Variants in GPR160 observed in about 807,000 individuals in gnomAD.
GPR160 encodes the protein G protein-coupled receptor 160.
In GPR160, 2 loss-of-function variants were observed where a neutral mutation model predicts 2.6. The ratio of observed to expected loss-of-function variants is 0.77; its 90% CI spans 0.32 to 2.44. The LOEUF is 2.44. GPR160 is among the 30% of genes most tolerant of loss of function. GPR160 has a pLI of 0.11. For missense variants in GPR160, 351 were observed against 383.6 expected (o/e 0.91, Z 0.71); for synonymous variants, 130 against 132.2 (o/e 0.98, Z 0.12).
chr3:170,074,119 C>A (rs1368688670), intron 2 of GPR160, among the ~76,000 whole-genome samples: 3 of 151,968 alleles, frequency 2.0e-5, no homozygotes, highest in Non-Finnish European at 2.9e-5. Context: ...GAACTCCTGA[C>A]CTTAGGTGAT....
intron 2 of GPR160, among the ~76,000 whole-genome samples, chr3:170,046,437 C>T (rs1716723361): frequency 6.6e-6 from 1 of 152,098 alleles, no homozygotes; most frequent in Non-Finnish European, 1.5e-5. Flanking sequence ...CACAGGAGTC[C>T]CAGCCTCAGC....
intron 2 of GPR160, among the ~76,000 whole-genome samples, chr3:170,065,492 C>T (rs1712277874): frequency 6.6e-6 from 1 of 152,212 alleles, no homozygotes; most frequent in Non-Finnish European, 1.5e-5. Flanking sequence ...TCTTCTAATG[C>T]ATCCCATTTC....
chr3:170,045,444 A>AAAAAAAAAAAC (rs1559981285), intron 2 of GPR160, among the ~76,000 whole-genome samples: 2 of 127,952 alleles, frequency 1.6e-5, no homozygotes, highest in Non-Finnish European at 1.6e-5. Context: ...AAAAAAAAAA[A>AAAAAAAAAAAC]AAACCAATTA....
intron 2 of GPR160, among the ~76,000 whole-genome samples, chr3:170,058,353 G>A (rs972850449): frequency 6.6e-6 from 1 of 152,154 alleles, no homozygotes; most frequent in South Asian, 2.1e-4. Flanking sequence ...AATAAGCTAG[G>A]CCAGAAATGG....
At chr3:170,045,219 C>T (rs957456228) in intron 2 of GPR160, among the ~76,000 whole-genome samples, 3 of 151,420 alleles carry the variant, frequency 2.0e-5, no homozygotes, top group Admixed American at 6.6e-5. Flanking sequence ...TGTGTGTAAA[C>T]GGACATGGAA....
chr3:170,042,962 A>G (rs1716528209), intron 2 of GPR160, among the ~76,000 whole-genome samples: 1 of 150,372 alleles, frequency 6.7e-6, no homozygotes, highest in Admixed American at 6.6e-5. Flanking sequence ...GCTCACTGCA[A>G]GCTCTGCCTC....
intron 2 of GPR160, among the ~76,000 whole-genome samples, chr3:170,053,854 T>G (rs549168010): frequency 2.6e-5 from 4 of 152,302 alleles, no homozygotes; most frequent in African/African-American, 9.6e-5. Flanking sequence ...GGTCATATGC[T>G]TGTTTTCTGT....
intron 2 of GPR160, chr3:170,077,245 TG>T (rs1258403509): frequency 6.6e-6 from 1 of 152,230 alleles, no homozygotes; most frequent in Non-Finnish European, 1.5e-5. Context: ...CTAACGCACA[TG>T]GTTTTTTTAA....
intron 2 of GPR160, among the ~76,000 whole-genome samples, chr3:170,068,227 C>A (rs1712439149): frequency 6.6e-6 from 1 of 151,172 alleles, no homozygotes; most frequent in Non-Finnish European, 1.5e-5. Context: ...TCACTGCAAC[C>A]TCTGCCTCCC....
At chr3:170,055,455 C>A (rs1037548255) in intron 2 of GPR160, among the ~76,000 whole-genome samples, 1 of 152,128 alleles carries the variant, frequency 6.6e-6, no homozygotes, top group Non-Finnish European at 1.5e-5. Context: ...ATACAAGGAG[C>A]CACATTCAGA....
chr3:170,084,128 A>C lies in GPR160; in HGVS notation c.156A>C (p.Gln52His), dbSNP rs1559995184. The C allele has an allele frequency of 1.3e-6, 2 of 1,594,652 alleles. No individual in the cohort carries two copies. Among genetic ancestry groups the C allele is most frequent in the East Asian group, 4.5e-5 (2 of 44,730 alleles). ...TLGMRRKNTC[Q>H]NFMEYFCISL... ...GAATGAGAAGAAAAAACACCTGTCA[A>C]AATTTTATGGAATATTTTTGCATTT... is the stretch of plus-strand genomic sequence containing the variant. The change falls in exon 4 of 4, where the codon CAA becomes CAC. Residue 52 changes from glutamine (Q) to histidine (H), a missense_variant. By Grantham distance (24) the Gln-to-His change is conservative. Transcript: ENST00000355897.
At chr3:170,072,742 G>C (rs1712662776) in intron 2 of GPR160, among the ~76,000 whole-genome samples, 1 of 152,060 alleles carries the variant, frequency 6.6e-6, no homozygotes, top group South Asian at 2.1e-4. Context: ...ACTGTGGGGA[G>C]GGCACCAAGT....
intron 2 of GPR160, among the ~76,000 whole-genome samples, chr3:170,052,169 GCCCACCTTGGCCTTCCAAAGTAC>G (rs1716984930): frequency 1.3e-5 from 2 of 151,842 alleles, no homozygotes; most frequent in Non-Finnish European, 2.9e-5. Context: ...CAAGTGATCC[GCCCACCTTGGCCTTCCAAAGTAC>G]TGGGATTATA....
At chr3:170,053,575 G>C (rs369659424) in intron 2 of GPR160, among the ~76,000 whole-genome samples, 4 of 152,046 alleles carry the variant, frequency 2.6e-5, no homozygotes, top group South Asian at 4.1e-4. Flanking sequence ...TAGTCTGTAT[G>C]CCTTTCTTTT....
chr3:170,084,952 A>G lies in GPR160; in HGVS notation c.980A>G (p.Glu327Gly). The change falls in exon 4 of 4, where the codon GAG (glutamate) becomes GGG (glycine). Residue 327 changes from glutamate to glycine, a missense_variant. Coordinates refer to ENST00000355897, the MANE Select transcript of GPR160 (RefSeq NM_014373.3). Reference protein sequence around the residue: ...CFIPLTIPNLEQIEKPISIMI... With the variant: ...CFIPLTIPNLGQIEKPISIMI... ...ATTCCACTTACAATTCCTAATCTTGAGCAAATTGAAAAGCCTATATCAATA... is the reference window on the plus strand; with the variant it reads ...ATTCCACTTACAATTCCTAATCTTGGGCAAATTGAAAAGCCTATATCAATA... 6.3e-7 allele frequency: 1 copy of G among 1,578,432 alleles called. No individual in the cohort carries two copies. Among genetic ancestry groups the G allele is most frequent in the South Asian group, 1.2e-5 (1 of 85,620 alleles).
At chr3:170,045,402 AAAATAC>A (rs1716666326) in intron 2 of GPR160, among the ~76,000 whole-genome samples, 1 of 95,998 alleles carries the variant, frequency 1.0e-5, no homozygotes, top group Non-Finnish European at 1.9e-5. Context: ...GTCTCTACTA[AAAATAC>A]AAAAAAAAAA....
intron 2 of GPR160, among the ~76,000 whole-genome samples, chr3:170,066,610 T>G (rs1320330643): frequency 1.3e-5 from 2 of 152,174 alleles, no homozygotes; most frequent in African/African-American, 4.8e-5. Context: ...CATAATCTAC[T>G]TAATGGTTCT....
intron 2 of GPR160, among the ~76,000 whole-genome samples, chr3:170,075,816 C>T (rs1712822883): frequency 6.6e-6 from 1 of 152,194 alleles, no homozygotes. Flanking sequence ...CTATCCCCTA[C>T]CTTGAGATAA....
rs1262128025 is a variant in GPR160, at chr3:170,048,304, A to G, written c.-193+9261A>G. 2.0e-5 allele frequency among the ~76,000 whole-genome samples: 3 copies of G among 152,224 alleles called. No individual in the cohort carries two copies. In the East Asian group the frequency reaches 5.8e-4, roughly 29 times the overall value. On this transcript the variant is annotated intron_variant, in intron 2 of 3. Coordinates refer to ENST00000355897, the MANE Select transcript of GPR160 (RefSeq NM_014373.3). ...GGGGATGAGGGATGAAAAACAACCT[A>G]TTAGGTACAATGTACACTACCTGGG...
Sources: allele counts gnomAD v4.1 joint callset (sites outside exome capture counted in the v4.1 genomes callset), GRCh38; gene constraint gnomAD v4.1.1; transcripts MANE v1.5; gene names NCBI Gene and HGNC (gene_info 2026-07-23, HGNC 2026-07-21).